CLEC16A: variants seen among roughly 807,000 people sequenced by gnomAD.
The protein encoded by CLEC16A is protein CLEC16A.
Under a neutral mutation model 109.5 loss-of-function variants are expected in CLEC16A, and 51 were observed. The observed-to-expected ratio is 0.47, with a 90% CI of 0.37 to 0.59. The LOEUF (loss-of-function observed/expected upper bound fraction) is 0.59, where lower values mean the gene tolerates loss of function less well. CLEC16A is among the 20% of genes least tolerant of loss of function. The pLI is 0.00. For synonymous variants in CLEC16A, 673 were observed against 564.2 expected (o/e 1.19, Z -2.73); for missense variants, 1,339 against 1,394.0 (o/e 0.96, Z 0.63).
At chr16:11,165,600 T>G (rs2068226338) in intron 22 of CLEC16A, among the ~76,000 whole-genome samples, 1 of 152,172 alleles carries the variant, frequency 6.6e-6, no homozygotes, top group Non-Finnish European at 1.5e-5. Context: ...AGTGGGAGTA[T>G]GTAGTGATAC....
chr16:11,169,339 T>C (rs1454444631), intron 23 of CLEC16A, among the ~76,000 whole-genome samples: 1 of 152,226 alleles, frequency 6.6e-6, no homozygotes, highest in Non-Finnish European at 1.5e-5. Flanking sequence ...CAGGCTGAAG[T>C]GCAGTGTCGC....
chr16:11,006,936 A>G (rs991234514), intron 11 of CLEC16A, among the ~76,000 whole-genome samples: 6 of 150,220 alleles, frequency 4.0e-5, no homozygotes, highest in African/African-American at 1.5e-4. Context: ...ATTAAATACT[A>G]AAAAAAGAAG....
intron 19 of CLEC16A, among the ~76,000 whole-genome samples, chr16:11,098,642 T>A (rs17806056): frequency 0.18 from 27,428 of 152,262 alleles, 2,995 homozygotes; most frequent in Non-Finnish European, 0.24. Flanking sequence ...TCCTAAAATC[T>A]GCACTTTGTC....
intron 16 of CLEC16A, among the ~76,000 whole-genome samples, chr16:11,046,952 A>G (rs1464017935): frequency 1.3e-5 from 2 of 152,254 alleles, no homozygotes; most frequent in East Asian, 3.8e-4. Flanking sequence ...GCCGTTCTCG[A>G]CAAAATAGAT....
At chr16:11,051,699 G>A in intron 18 of CLEC16A, 58 bp downstream of exon 18, 3 of 1,592,880 alleles carry the variant, frequency 1.9e-6, no homozygotes, top group Non-Finnish European at 2.6e-6. Context: ...ACCACTCCCA[G>A]ACCAGGGAGG....
In CLEC16A at chr16:11,098,486, CCCAG is replaced by C. The variant is rs1358053587; in HGVS notation, c.2117-22127_2117-22124del. On this transcript the variant is annotated intron_variant, in intron 19 of 23. Coordinates refer to ENST00000409790, the MANE Select transcript of CLEC16A (RefSeq NM_015226.3). ...CCTCTTCAGTAAGGAGACGTGGGGT[CCCAG>C]CTGTGGCTTCCTAAGAGCTGAGCGT... 7.2e-5 allele frequency among the ~76,000 whole-genome samples: 11 copies of C among 152,356 alleles called. No individual in the cohort carries two copies. The East Asian group carries it at 1.9e-3, about 27-fold the overall frequency.
chr16:11,039,736 CCTT>C lies in CLEC16A; in HGVS notation c.1538-15_1538-13del. The C allele has an allele frequency of 6.3e-7, 1 of 1,587,444 alleles. No homozygotes were observed. Among genetic ancestry groups the C allele is most frequent in the Non-Finnish European group, 8.6e-7 (1 of 1,166,728 alleles). ...GTAGTCAGGAGGCCTCCACTTACAT[CCTT>C]CTCCTCTGTTCCAGGCATGGATCCT... On this transcript the variant is annotated splice_polypyrimidine_tract_variant and intron_variant, in intron 13 of 23. Coordinates refer to ENST00000409790, the MANE Select transcript of CLEC16A (RefSeq NM_015226.3).
Position 11,054,116 on chromosome 16 carries a change from C to G in CLEC16A, c.1995+2475C>G, listed in dbSNP as rs963660094. Among the ~76,000 whole-genome samples the G allele has an allele frequency of 4.6e-5, 7 of 152,226 alleles. 1 individual carries two copies. The East Asian group carries it at 1.3e-3, about 29-fold the overall frequency. On this transcript the variant is annotated intron_variant, in intron 18 of 23. Transcript: ENST00000409790. ...GATGTGATGAGGCTGGGGGTGCTGG[C>G]AGGAGCCAGATCACGGGAGCCTTGG...
At chr16:11,008,720 G>T (rs1175129281) in intron 11 of CLEC16A, among the ~76,000 whole-genome samples, 1 of 151,626 alleles carries the variant, frequency 6.6e-6, no homozygotes, top group African/African-American at 2.4e-5. Context: ...GCTGGGTGCG[G>T]TGGTTCACGC....
At chr16:11,152,969 G>T (rs1265438901) in intron 22 of CLEC16A, among the ~76,000 whole-genome samples, 1 of 152,176 alleles carries the variant, frequency 6.6e-6, no homozygotes, top group Non-Finnish European at 1.5e-5. Flanking sequence ...GCGAGGGTAT[G>T]AAGAAAGAAA....
chr16:11,061,893 G>T (rs955854308), intron 19 of CLEC16A, among the ~76,000 whole-genome samples: 3 of 152,136 alleles, frequency 2.0e-5, no homozygotes, highest in African/African-American at 7.2e-5. Flanking sequence ...GCTTTCCTCT[G>T]TTCATCCTCA....
chr16:10,998,112 T>C (rs1207249020), intron 10 of CLEC16A, among the ~76,000 whole-genome samples: 1 of 152,186 alleles, frequency 6.6e-6, no homozygotes. Flanking sequence ...GATTGATCCC[T>C]GGGGATTCAC....
At chr16:11,124,776 C>T (rs1277425787) in intron 21 of CLEC16A, among the ~76,000 whole-genome samples, 2 of 152,176 alleles carry the variant, frequency 1.3e-5, no homozygotes, top group South Asian at 2.1e-4. Context: ...GGGGTGCTTT[C>T]TCAAGGGATA....
At chr16:11,120,846 C>T in intron 20 of CLEC16A, 80 bp downstream of exon 20, 2 of 1,147,440 alleles carry the variant, frequency 1.7e-6, no homozygotes, top group Middle Eastern at 2.5e-4. Flanking sequence ...ACACCACACA[C>T]AATTGTCATC....
chr16:11,034,707 G>C (rs1303668848), intron 13 of CLEC16A, among the ~76,000 whole-genome samples: 14 of 152,248 alleles, frequency 9.2e-5, no homozygotes, highest in Admixed American at 9.2e-4. Context: ...GAATGAGCTA[G>C]TGCTCCCGTG....
chr16:11,012,384 A>T (rs978554575), intron 11 of CLEC16A, among the ~76,000 whole-genome samples: 1 of 152,160 alleles, frequency 6.6e-6, no homozygotes, highest in African/African-American at 2.4e-5. Flanking sequence ...TCATGAGGTC[A>T]GGAGATCGAG....
At chr16:11,112,152 C>T (rs1451235257) in intron 19 of CLEC16A, among the ~76,000 whole-genome samples, 1 of 152,056 alleles carries the variant, frequency 6.6e-6, no homozygotes, top group Non-Finnish European at 1.5e-5. Context: ...TGGCATGCCA[C>T]CATTTAAGAA....
chr16:11,162,694 C>T (rs2054766267), intron 22 of CLEC16A, among the ~76,000 whole-genome samples: 1 of 152,336 alleles, frequency 6.6e-6, no homozygotes, highest in Non-Finnish European at 1.5e-5. Flanking sequence ...ACTTAGTCTT[C>T]TCTTACCAGC....
chr16:11,145,877 G>A (rs1474753256), intron 22 of CLEC16A, among the ~76,000 whole-genome samples: 1 of 152,194 alleles, frequency 6.6e-6, no homozygotes, highest in Non-Finnish European at 1.5e-5. Context: ...CCATCACTCA[G>A]ATGAAAGCCA....
Sources: gnomAD v4.1 joint callset for allele counts (sites outside exome capture counted in the v4.1 genomes callset) on GRCh38, gnomAD v4.1.1 for gene constraint, MANE v1.5 for transcripts, NCBI Gene and HGNC (gene_info 2026-07-23, HGNC 2026-07-21) for gene names.